PDE11A: variants seen among roughly 807,000 people sequenced by gnomAD.
The protein encoded by PDE11A is dual 3',5'-cyclic-AMP and -GMP phosphodiesterase 11A.
PDE11A carries 100 observed loss-of-function variants against 100.5 expected under a neutral mutation model. That is an observed-to-expected ratio of 1.00 (90% CI 0.85 to 1.18). PDE11A has a LOEUF of 1.18. PDE11A is among the 50% of genes most tolerant of loss of function. The probability of loss-of-function intolerance (pLI) is 0.00; values close to 1 mark genes in which losing one functional copy is unlikely to be tolerated. For synonymous variants in PDE11A, 381 were observed against 420.8 expected (o/e 0.91, Z 1.16); for missense variants, 1,141 against 1,152.6 (o/e 0.99, Z 0.15).
intron 18 of PDE11A, among the ~76,000 whole-genome samples, chr2:177,667,194 G>A (rs7594362): frequency 0.11 from 17,109 of 152,108 alleles, 1,081 homozygotes; most frequent in East Asian, 0.27. Context: ...GATTAAAGGC[G>A]TGAGCCACCA....
At chr2:178,011,702 C>A (rs558554028) in intron 2 of PDE11A, among the ~76,000 whole-genome samples, 1 of 152,180 alleles carries the variant, frequency 6.6e-6, no homozygotes, top group Non-Finnish European at 1.5e-5. Flanking sequence ...GCTAATCAAT[C>A]GCTCATGAGA....
At chr2:178,068,706 T>C (rs1485058109) in intron 1 of PDE11A, among the ~76,000 whole-genome samples, 2 of 150,628 alleles carry the variant, frequency 1.3e-5, no homozygotes, top group Non-Finnish European at 3.0e-5. Flanking sequence ...ATTTGGAAGG[T>C]TGTCGGTTTT....
chr2:177,634,388 C>CTTTTTTTTTTTT (rs1198925669), intron 19 of PDE11A, among the ~76,000 whole-genome samples: 1 of 61,088 alleles, frequency 1.6e-5, no homozygotes. Context: ...TTTTCTCTCT[C>CTTTTTTTTTTTT]TCTTTTTTTT....
intron 2 of PDE11A, among the ~76,000 whole-genome samples, chr2:177,970,739 G>A (rs958684642): frequency 3.3e-5 from 5 of 152,118 alleles, no homozygotes; most frequent in Non-Finnish European, 4.4e-5. Flanking sequence ...GAACATAAAG[G>A]AAAGCAGAAG....
chr2:177,914,134 T>C (rs1464548126), intron 2 of PDE11A, among the ~76,000 whole-genome samples: 1 of 152,198 alleles, frequency 6.6e-6, no homozygotes, highest in Non-Finnish European at 1.5e-5. Context: ...TGAACACTTT[T>C]CATAATTTGT....
intron 3 of PDE11A, among the ~76,000 whole-genome samples, chr2:177,902,696 T>C (rs2084716530): frequency 6.6e-6 from 1 of 152,128 alleles, no homozygotes; most frequent in Non-Finnish European, 1.5e-5. Context: ...AATCTTAATC[T>C]CCAGTCCTGA....
In PDE11A at chr2:177,816,887, T is replaced by G; in HGVS notation, c.1679A>C (p.Asn560Thr). 11 of 1,611,152 alleles carry G rather than the reference T, an allele frequency of 6.8e-6. No individual in the cohort carries two copies. Among genetic ancestry groups the G allele is most frequent in the Non-Finnish European group, 9.3e-6 (11 of 1,177,416 alleles). Residue 560 changes from asparagine to threonine, a missense_variant, in exon 9 of 20, where the codon AAC becomes ACC. Transcript: ENST00000286063. The stretch of plus-strand genomic sequence containing the variant: ...CTTCACTTGATCATACATAATTGTG[T>G]TGTTGATGCCAAGTCCACAAAAGAT... ...FVIFCGLGIN[N>T]TIMYDQVKKS... is the part of the protein sequence containing the mutation.
intron 10 of PDE11A, among the ~76,000 whole-genome samples, chr2:177,740,688 A>C (rs1308448046): frequency 1.3e-5 from 2 of 152,250 alleles, no homozygotes; most frequent in Admixed American, 6.5e-5. Context: ...CTCTTAGCTT[A>C]GATCCACTGC....
chr2:177,818,713 CTTAA>C (rs138000087), intron 7 of PDE11A, among the ~76,000 whole-genome samples: 1 of 152,136 alleles, frequency 6.6e-6, no homozygotes, highest in East Asian at 1.9e-4. Flanking sequence ...TTCTACAAAT[CTTAA>C]TTTATGAGTG....
At chr2:178,077,991 G>A (rs1040252933) in intron 2 of PDE11A, among the ~76,000 whole-genome samples, 3 of 151,996 alleles carry the variant, frequency 2.0e-5, no homozygotes, top group Non-Finnish European at 4.4e-5. Context: ...AGAACTGTCA[G>A]AGAATAAATG....
chr2:177,941,472 T>A lies in PDE11A; in HGVS notation c.1072-36285A>T, dbSNP rs187406748. Among the ~76,000 whole-genome samples the A allele has an allele frequency of 5.3e-3, 806 of 152,192 alleles. 9 individuals are homozygous for A. The highest frequency in any genetic ancestry group is 8.7e-3 in the Non-Finnish European group (595 of 68,020). On this transcript the variant is annotated intron_variant, in intron 2 of 19. Transcript: ENST00000286063. ...TTGATTCAGGTGTAGAGATTCCAAT[T>A]TTTTCCCAAAATACCGAGTACCCTG... is the stretch of plus-strand genomic sequence containing the variant.
intron 5 of PDE11A, among the ~76,000 whole-genome samples, chr2:177,852,884 C>T (rs1275300167): frequency 2.0e-5 from 3 of 152,178 alleles, no homozygotes; most frequent in Non-Finnish European, 4.4e-5. Flanking sequence ...CTTCATCACA[C>T]TTTTATTCCT....
chr2:177,747,946 G>C (rs2094691750), intron 10 of PDE11A, among the ~76,000 whole-genome samples: 1 of 152,056 alleles, frequency 6.6e-6, no homozygotes, highest in Non-Finnish European at 1.5e-5. Context: ...GCCAGGATTA[G>C]AATCTACCAT....
At chr2:177,679,910 G>A (rs1302378360) in intron 16 of PDE11A, among the ~76,000 whole-genome samples, 1 of 151,990 alleles carries the variant, frequency 6.6e-6, no homozygotes, top group African/African-American at 2.4e-5. Flanking sequence ...TGAAGAAAAA[G>A]GCCTGTAAAG....
At chr2:178,102,901 C>CAATATGATTGGTGTCCTTATG (rs574535954) in intron 2 of PDE11A, among the ~76,000 whole-genome samples, 2,257 of 151,882 alleles carry the variant, frequency 0.015, 51 homozygotes, top group African/African-American at 0.052. Flanking sequence ...GCCCTTAATC[C>CAATATGATTGGTGTCCTTATG]AATATGATTG....
rs201766141 is a variant in PDE11A, at chr2:177,678,408, CAT to C, written c.2423+2416_2423+2417del. ...GTGCAAAGAAAGGATAAATAATAAA[CAT>C]GTGCTTATTTGAAGCTTTCATATCA... is the stretch of plus-strand genomic sequence containing the variant. On this transcript the variant is annotated intron_variant, in intron 16 of 19. Transcript: ENST00000286063. Among the ~76,000 whole-genome samples, 551 of 152,270 alleles carry C rather than the reference CAT, an allele frequency of 3.6e-3. 8 individuals carry two copies. The East Asian group carries it at 0.045, about 12-fold the overall frequency.
intron 19 of PDE11A, among the ~76,000 whole-genome samples, chr2:177,652,476 G>A (rs1330940552): frequency 1.3e-5 from 2 of 152,154 alleles, no homozygotes; most frequent in Non-Finnish European, 2.9e-5. Context: ...AGGTGGGATG[G>A]GAAGGTCAAT....
At chr2:177,730,366 T>C (rs1273519623) in intron 10 of PDE11A, among the ~76,000 whole-genome samples, 1 of 152,184 alleles carries the variant, frequency 6.6e-6, no homozygotes, top group Admixed American at 6.6e-5. Flanking sequence ...AAATTATGTC[T>C]TTTAATTCTA....
chr2:177,806,171 TTGA>T, intron 9 of PDE11A, among the ~76,000 whole-genome samples: 1 of 152,252 alleles, frequency 6.6e-6, no homozygotes, highest in Admixed American at 6.5e-5. Flanking sequence ...TGCTGTGAAA[TTGA>T]TGATGAGTGC....
Sources: allele counts gnomAD v4.1 joint callset (sites outside exome capture counted in the v4.1 genomes callset), GRCh38; gene constraint gnomAD v4.1.1; transcripts MANE v1.5; gene names NCBI Gene and HGNC (gene_info 2026-07-23, HGNC 2026-07-21).